The following PTPRN2 variants were observed in gnomAD, a reference collection of about 807,000 sequenced individuals.
PTPRN2 encodes the protein receptor-type tyrosine-protein phosphatase N2.
PTPRN2 carries 74 observed loss-of-function variants against 118.8 expected under a neutral mutation model. That is an observed-to-expected ratio of 0.62 (90% CI 0.52 to 0.76). The LOEUF (loss-of-function observed/expected upper bound fraction) is 0.76, where lower values mean the gene tolerates loss of function less well. PTPRN2 is among the 30% of genes least tolerant of loss of function. PTPRN2 has a pLI of 0.00. For synonymous variants in PTPRN2, 641 were observed against 608.0 expected, an observed-to-expected ratio of 1.05 and a Z score of -0.80; for missense variants, 1,481 against 1,394.4, an observed-to-expected ratio of 1.06 and a Z score of -0.99.
intron 3 of PTPRN2, among the ~76,000 whole-genome samples, chr7:158,259,444 C>T (rs538630909): frequency 1.8e-4 from 28 of 152,236 alleles, no homozygotes; most frequent in Non-Finnish European, 1.8e-4. Flanking sequence ...CACAGACACC[C>T]CTCAGAGCCC....
At chr7:158,252,562 A>C (rs1796755178) in intron 3 of PTPRN2, among the ~76,000 whole-genome samples, 1 of 152,064 alleles carries the variant, frequency 6.6e-6, no homozygotes, top group Non-Finnish European at 1.5e-5. Flanking sequence ...AACAAGAGAC[A>C]CGTTTCTCCA....
intron 1 of PTPRN2, among the ~76,000 whole-genome samples, chr7:158,537,056 A>G (rs1478293852): frequency 2.0e-5 from 3 of 152,174 alleles, no homozygotes; most frequent in Non-Finnish European, 1.5e-5. Flanking sequence ...GAGACTCAGG[A>G]GCCCACCCTC....
At chr7:158,063,224 G>T (rs13230934) in intron 11 of PTPRN2, among the ~76,000 whole-genome samples, 1 of 151,702 alleles carries the variant, frequency 6.6e-6, no homozygotes, top group Non-Finnish European at 1.5e-5. Context: ...GAACATTTAT[G>T]TCTAGCTAAG....
chr7:158,282,615 C>T (rs867769189), intron 3 of PTPRN2, among the ~76,000 whole-genome samples: 22 of 152,322 alleles, frequency 1.4e-4, no homozygotes, highest in African/African-American at 4.1e-4. Flanking sequence ...GCAGGACAGA[C>T]GGCTGATCCC....
chr7:157,575,305 C>T (rs144169935), intron 19 of PTPRN2, among the ~76,000 whole-genome samples: 77 of 152,150 alleles, frequency 5.1e-4, no homozygotes, highest in African/African-American at 1.8e-3. Context: ...GAAATAAATC[C>T]GTATTGACAG....
intron 1 of PTPRN2, among the ~76,000 whole-genome samples, chr7:158,497,465 ACT>A (rs1282954270): frequency 1.3e-5 from 2 of 151,626 alleles, no homozygotes; most frequent in Non-Finnish European, 2.9e-5. Context: ...CCTTGGCCAC[ACT>A]CTCAGCGCAG....
chr7:158,533,590 A>T (rs1203945850), intron 1 of PTPRN2, among the ~76,000 whole-genome samples: 2 of 152,198 alleles, frequency 1.3e-5, no homozygotes, highest in Non-Finnish European at 2.9e-5. Flanking sequence ...CCCAGGGGCC[A>T]GAGGGGACGT....
intron 12 of PTPRN2, among the ~76,000 whole-genome samples, chr7:157,688,872 C>G (rs1365199308): frequency 6.6e-6 from 1 of 152,194 alleles, no homozygotes; most frequent in African/African-American, 2.4e-5. Flanking sequence ...TTCACCGCAT[C>G]CCCACAGGAG....
At chr7:157,563,673 AC>A (rs11318657) in intron 21 of PTPRN2, among the ~76,000 whole-genome samples, 3,147 of 143,146 alleles carry the variant, frequency 0.022, 125 homozygotes, top group East Asian at 0.099. Context: ...CTCCCGCATC[AC>A]CACAGACAGC....
intron 2 of PTPRN2, among the ~76,000 whole-genome samples, chr7:158,452,971 C>G (rs575769822): frequency 2.5e-4 from 38 of 152,338 alleles, no homozygotes; most frequent in African/African-American, 8.9e-4. Flanking sequence ...AGGGAGCACC[C>G]CGAGGATCCA....
At position 157,780,855 on chromosome 7, in the gene PTPRN2, G is replaced by C. The variant is rs1045672667; in HGVS notation, c.1789-97918C>G. ...CCCGCGGGTCCCCACAGATCAATCAGGACAGAATACTCACTAACCAAAGGT... is the reference window on the plus strand; with the variant it reads ...CCCGCGGGTCCCCACAGATCAATCACGACAGAATACTCACTAACCAAAGGT... On this transcript the variant is annotated intron_variant, in intron 12 of 22. Coordinates refer to ENST00000389418, the MANE Select transcript of PTPRN2 (RefSeq NM_002847.5). The surrounding 1 kb of genome is among the most constrained non-coding windows in gnomAD (Gnocchi z 4.5). 6.6e-6 allele frequency among the ~76,000 whole-genome samples: 1 copy of C among 152,138 alleles called. No homozygotes were observed. Among genetic ancestry groups the C allele is most frequent in the Non-Finnish European group, 1.5e-5 (1 of 68,034 alleles).
rs776241871 is a variant in PTPRN2 at position 157,590,616 on chromosome 7, C to T, written c.2496+4622G>A. Among the ~76,000 whole-genome samples, 54 of 152,280 alleles carry T rather than the reference C, an allele frequency of 3.5e-4. No individual in the cohort carries two copies. The highest frequency in any genetic ancestry group is 3.4e-3 in the Middle Eastern group (1 of 294). ...GCACGTTCTGGGCTCTGCTCAGGGA[C>T]GCAGCACGGACAGAGGTGCTGTGGG... On this transcript the variant is annotated intron_variant, in intron 17 of 22. Coordinates refer to ENST00000389418, the MANE Select transcript of PTPRN2 (RefSeq NM_002847.5). This position sits in a 1 kb window ranked among gnomAD's most constrained non-coding sequence, Gnocchi z 4.0.
At position 157,799,836 on chromosome 7, in the gene PTPRN2, C is replaced by T. The variant is rs368715638; in HGVS notation, c.1788+98837G>A. On this transcript the variant is annotated intron_variant, in intron 12 of 22. Coordinates refer to ENST00000389418, the MANE Select transcript of PTPRN2 (RefSeq NM_002847.5). ...CAGAGGCACCACAGCCGGCCCCCTCCATCCCTCAGAGGCACCACAGCCGGC... is the reference window on the plus strand; with the variant it reads ...CAGAGGCACCACAGCCGGCCCCCTCTATCCCTCAGAGGCACCACAGCCGGC... 6.6e-3 allele frequency among the ~76,000 whole-genome samples: 861 copies of T among 131,292 alleles called. 1 individual carries two copies. The highest frequency in any genetic ancestry group is 0.048 in the Middle Eastern group (12 of 250). 86.1% of individuals were successfully genotyped at this position (131,292 alleles called of 152,430 possible).
rs1435511477 is a variant in PTPRN2, at chr7:158,212,779, C to A, written c.278-7506G>T. ...ATCTTAGGTATTTTGTTCTTCCTAA[C>A]AAAATCTTAAAAGACAGCAATTGGA... On this transcript the variant is annotated intron_variant, in intron 3 of 22. Coordinates refer to ENST00000389418, the MANE Select transcript of PTPRN2 (RefSeq NM_002847.5). 2.0e-5 allele frequency among the ~76,000 whole-genome samples: 3 copies of A among 152,070 alleles called. 1 individual carries two copies. The highest frequency in any genetic ancestry group is 4.4e-5 in the Non-Finnish European group (3 of 68,008).
chr7:158,492,105 G>A (rs930395466), intron 1 of PTPRN2, among the ~76,000 whole-genome samples: 3 of 152,198 alleles, frequency 2.0e-5, no homozygotes, highest in African/African-American at 7.2e-5. Context: ...AGCTGTGAGG[G>A]CCCCTCCCGC....
At chr7:157,640,167 T>G (rs922075358) in intron 14 of PTPRN2, among the ~76,000 whole-genome samples, 6 of 152,206 alleles carry the variant, frequency 3.9e-5, no homozygotes, top group Non-Finnish European at 7.3e-5. Context: ...GGATAATGCA[T>G]TGATCATGAT....
intron 9 of PTPRN2, among the ~76,000 whole-genome samples, chr7:158,128,645 G>A (rs1489159880): frequency 6.6e-6 from 1 of 152,140 alleles, no homozygotes; most frequent in Non-Finnish European, 1.5e-5. Flanking sequence ...TCCAGGGTGA[G>A]CCCATTAGCA....
At chr7:157,557,657 G>T (rs547899781) in intron 21 of PTPRN2, among the ~76,000 whole-genome samples, 2 of 150,440 alleles carry the variant, frequency 1.3e-5, no homozygotes, top group East Asian at 1.9e-4. Context: ...TTATAAGCAG[G>T]TTTTTTTTTG....
intron 5 of PTPRN2, among the ~76,000 whole-genome samples, chr7:158,170,387 G>A (rs1029232138): frequency 9.8e-5 from 15 of 152,292 alleles, no homozygotes; most frequent in East Asian, 7.7e-4. Flanking sequence ...GAGCTTCCAC[G>A]CAAAGGGCCT....
Sources: gnomAD v4.1 joint callset for allele counts (sites outside exome capture counted in the v4.1 genomes callset) on GRCh38, gnomAD v4.1.1 for gene constraint, Gnocchi (gnomAD v3.1) non-coding constraint, MANE v1.5 for transcripts, NCBI Gene and HGNC (gene_info 2026-07-23, HGNC 2026-07-21) for gene names.